ZC3H14: variants seen among roughly 807,000 people sequenced by gnomAD.
ZC3H14 encodes the protein zinc finger CCCH domain-containing protein 14.
A neutral mutation model predicts 92.4 loss-of-function variants in ZC3H14; 31 were observed. That is an observed-to-expected ratio of 0.34 (90% CI 0.25 to 0.45). ZC3H14 has a LOEUF of 0.45. Among genes scored for constraint, ZC3H14 ranks in the 20% least tolerant of loss-of-function variants. The pLI, the probability that ZC3H14 is intolerant of heterozygous loss-of-function variation, is 1.00. For missense variants in ZC3H14, 781 were observed against 897.3 expected, an observed-to-expected ratio of 0.87 and a Z score of 1.66; for synonymous variants, 321 against 300.9, an observed-to-expected ratio of 1.07 and a Z score of -0.69.
At position 88,613,693 on chromosome 14, in the gene ZC3H14, G is replaced by A. The variant is rs1390705122; in HGVS notation, c.*1942G>A. The A allele has an allele frequency of 1.3e-5, 2 of 152,176 alleles. No homozygotes were observed. The highest frequency in any genetic ancestry group is 6.5e-5 in the Admixed American group (1 of 15,274). The allele number at this position is 152,176 out of a possible 1,614,324, so 9.4% of individuals were successfully genotyped here. A position where few individuals can be genotyped will look rare whatever the true frequency, so the allele number is the denominator to read the frequency against. ...AGGAAATGAGCATGGTTGGCGATTG[G>A]AAGCAAGGGTACCAGAGGGCACAGT... On this transcript the variant is annotated 3_prime_UTR_variant, in exon 17 of 17. Coordinates refer to ENST00000251038, the MANE Select transcript of ZC3H14 (RefSeq NM_024824.5).
At chr14:88,572,287 GT>G in intron 5 of ZC3H14, 62 bp downstream of exon 5, 1 of 1,562,290 alleles carries the variant, frequency 6.4e-7, no homozygotes, top group Non-Finnish European at 8.8e-7. Flanking sequence ...ATTTATATTA[GT>G]TTTTATATCT....
In ZC3H14 at chr14:88,606,891, C is replaced by A. The variant is rs539532612; in HGVS notation, c.1748-352C>A. 9.2e-5 allele frequency among the ~76,000 whole-genome samples: 14 copies of A among 152,118 alleles called. No homozygotes were observed. The South Asian group carries it at 2.9e-3, about 32-fold the overall frequency. The stretch of plus-strand genomic sequence containing the variant: ...GGATTCACATCTCCTTATCACCTTA[C>A]CTGTTTTCAGTTTTTATTTAATTTT... On this transcript the variant is annotated intron_variant, in intron 12 of 16. Transcript: ENST00000251038.
chr14:88,581,617 C>T (rs1279946270), intron 9 of ZC3H14, among the ~76,000 whole-genome samples: 1 of 151,958 alleles, frequency 6.6e-6, no homozygotes, highest in Non-Finnish European at 1.5e-5. Flanking sequence ...ATGTCTTTTT[C>T]CAGGTCTGGG....
intron 9 of ZC3H14, among the ~76,000 whole-genome samples, chr14:88,588,255 CCT>C (rs1191103043): frequency 6.6e-6 from 1 of 152,156 alleles, no homozygotes; most frequent in Admixed American, 6.5e-5. Flanking sequence ...GCCCTCCTCC[CCT>C]GAGTCGGCTC....
intron 9 of ZC3H14, among the ~76,000 whole-genome samples, chr14:88,594,145 T>A (rs1003563843): frequency 1.3e-5 from 2 of 152,178 alleles, no homozygotes; most frequent in African/African-American, 4.8e-5. Context: ...ATATACTAAT[T>A]TCAAGGGGAA....
At position 88,623,326 on chromosome 14, in the gene ZC3H14, T is replaced by C. The variant is rs912480672; in HGVS notation, c.*11575T>C. On this transcript the variant is annotated 3_prime_UTR_variant, in exon 17 of 17. Coordinates refer to ENST00000251038, the MANE Select transcript of ZC3H14 (RefSeq NM_024824.5). The stretch of plus-strand genomic sequence containing the variant: ...GCCACTGTGCCTGGCCTCATAATAC[T>C]TCTTGATTAGGAAGATGTAAAAAAA... 1 of 152,070 alleles carries C rather than the reference T, an allele frequency of 6.6e-6. No individual in the cohort carries two copies. The highest frequency in any genetic ancestry group is 1.5e-5 in the Non-Finnish European group (1 of 68,026). 9.4% of individuals were successfully genotyped at this position (152,070 alleles called of 1,614,324 possible).
At chr14:88,569,878 C>T (rs199981776) in intron 3 of ZC3H14, among the ~76,000 whole-genome samples, 84 of 152,258 alleles carry the variant, frequency 5.5e-4, no homozygotes, top group African/African-American at 1.9e-3. Context: ...TGTTATGATA[C>T]ACTGCTGCCT....
At chr14:88,583,160 G>A (rs1170909326) in intron 9 of ZC3H14, among the ~76,000 whole-genome samples, 1 of 147,828 alleles carries the variant, frequency 6.8e-6, no homozygotes, top group Non-Finnish European at 1.5e-5. Context: ...AAGAGGCGAG[G>A]TCTCACTGTC....
chr14:88,578,191 A>G, intron 9 of ZC3H14, 51 bp downstream of exon 9: 1 of 1,598,260 alleles, frequency 6.3e-7, no homozygotes, highest in Non-Finnish European at 8.6e-7. Flanking sequence ...TTCATGAGGC[A>G]TTGAATATTT....
At chr14:88,581,519 C>G (rs2081909260) in intron 9 of ZC3H14, among the ~76,000 whole-genome samples, 1 of 152,026 alleles carries the variant, frequency 6.6e-6, no homozygotes, top group South Asian at 2.1e-4. Context: ...CAAGATTGTG[C>G]CACCGTACTC....
intron 9 of ZC3H14, among the ~76,000 whole-genome samples, chr14:88,582,693 A>G (rs1227265905): frequency 1.3e-5 from 2 of 152,102 alleles, no homozygotes; most frequent in Non-Finnish European, 2.9e-5. Flanking sequence ...GGTTTTCTAT[A>G]CTGTGTTTTA....
chr14:88,599,132 C>T (rs2084251319), intron 10 of ZC3H14, among the ~76,000 whole-genome samples: 1 of 152,158 alleles, frequency 6.6e-6, no homozygotes, highest in African/African-American at 2.4e-5. Flanking sequence ...GAAGAACTAA[C>T]TGCTTCTTGG....
chr14:88,563,477 C>A, intron 1 of ZC3H14, 174 bp from the exon 2 acceptor site: 1 of 1,483,328 alleles, frequency 6.7e-7, no homozygotes, highest in Non-Finnish European at 8.9e-7. Context: ...GGGGCTGGGG[C>A]TGGAGCTGGA....
rs1005977722 is a variant in ZC3H14, at chr14:88,618,628, G to T, written c.*6877G>T. On this transcript the variant is annotated 3_prime_UTR_variant, in exon 17 of 17. Transcript: ENST00000251038. ...AAAAGCAGAAGAACTTGCCACCTGG[G>T]TATACAGTATTGGTACTGTACCTGG... 5.0e-6 allele frequency: 8 copies of T among 1,595,544 alleles called. No individual in the cohort carries two copies. The African/African-American group carries it at 1.1e-4, about 22-fold the overall frequency.
At chr14:88,582,922 A>G (rs1030136352) in intron 9 of ZC3H14, among the ~76,000 whole-genome samples, 6 of 152,054 alleles carry the variant, frequency 3.9e-5, no homozygotes, top group African/African-American at 9.7e-5. Flanking sequence ...GTTTGAGCAG[A>G]TAGCATTCTC....
At position 88,618,599 on chromosome 14, in the gene ZC3H14, A is replaced by C; in HGVS notation, c.*6848A>C. ...CTTTAAATGCATTCACTAACACGAA[A>C]TGTAAAAGCAGAAGAACTTGCCACC... On this transcript the variant is annotated 3_prime_UTR_variant, in exon 17 of 17. Transcript: ENST00000251038. The C allele has an allele frequency of 6.4e-7, 1 of 1,561,710 alleles. No individual in the cohort carries two copies.
intron 14 of ZC3H14, 110 bp from the exon 15 acceptor site, chr14:88,609,602 C>T (rs1409779685): frequency 7.1e-7 from 1 of 1,402,384 alleles, no homozygotes; most frequent in Non-Finnish European, 1.0e-6. Context: ...ATAAACCTTA[C>T]CATTCTAATT....
chr14:88,595,202 G>T (rs2083651219), intron 9 of ZC3H14: 1 of 1,555,240 alleles, frequency 6.4e-7, no homozygotes, highest in African/African-American at 1.4e-5. Flanking sequence ...TGTGGAGGGA[G>T]CAAGTTACAG....
Position 88,563,115 on chromosome 14 carries a change from T to C in ZC3H14, c.-19T>C. 6.3e-7 allele frequency: 1 copy of C among 1,584,522 alleles called. No homozygotes were observed. Among genetic ancestry groups the C allele is most frequent in the South Asian group, 1.1e-5 (1 of 87,512 alleles). The stretch of plus-strand genomic sequence containing the variant: ...AGCCAAGCGCCGCGCAGTGCTGAGT[T>C]CCCGCACGCCGCAGAGCCATGGAGA... On this transcript the variant is annotated 5_prime_UTR_variant, in exon 1 of 17. Coordinates refer to ENST00000251038, the MANE Select transcript of ZC3H14 (RefSeq NM_024824.5).
Sources: allele counts gnomAD v4.1 joint callset (sites outside exome capture counted in the v4.1 genomes callset), GRCh38; gene constraint gnomAD v4.1.1; transcripts MANE v1.5; gene names NCBI Gene and HGNC (gene_info 2026-07-23, HGNC 2026-07-21).